Variants in SLC14A2 observed in about 807,000 individuals in gnomAD.
The protein encoded by SLC14A2 is solute carrier family 14 member 2.
In SLC14A2, 91 loss-of-function variants were observed where a neutral mutation model predicts 104.6. The observed-to-expected ratio is 0.87, with a 90% CI of 0.73 to 1.04. The LOEUF (loss-of-function observed/expected upper bound fraction) is 1.04. Among genes scored for constraint, SLC14A2 ranks in the 50% least tolerant of loss-of-function variants. The pLI, the probability that SLC14A2 is intolerant of heterozygous loss-of-function variation, is 0.00. For synonymous variants in SLC14A2, 476 were observed against 466.4 expected, an observed-to-expected ratio of 1.02 and a Z score of -0.27; for missense variants, 1,189 against 1,156.0, an observed-to-expected ratio of 1.03 and a Z score of -0.41.
chr18:45,237,901 G>A (rs923751705), intron 1 of SLC14A2, among the ~76,000 whole-genome samples: 1 of 152,208 alleles, frequency 6.6e-6, no homozygotes, highest in African/African-American at 2.4e-5. Context: ...TGGTAGTTTA[G>A]TTCTTTTCCC....
intron 1 of SLC14A2, among the ~76,000 whole-genome samples, chr18:45,480,791 C>T (rs75798351): frequency 0.019 from 2,899 of 152,304 alleles, 92 homozygotes; most frequent in African/African-American, 0.066. Flanking sequence ...TCCAGAGAAA[C>T]ATTTGTCCCA....
chr18:45,435,002 T>C (rs1334069604), intron 1 of SLC14A2, among the ~76,000 whole-genome samples: 2 of 152,224 alleles, frequency 1.3e-5, no homozygotes, highest in Non-Finnish European at 2.9e-5. Context: ...AATATGGTAA[T>C]GTAATTATGC....
chr18:45,188,611 C>T, the SLC14A2 span, among the ~76,000 whole-genome samples: 1 of 152,106 alleles, frequency 6.6e-6, no homozygotes, highest in African/African-American at 2.4e-5. Context: ...GTTTCAACTC[C>T]CTGCCTGAAT....
chr18:45,448,268 A>C (rs544430999), intron 1 of SLC14A2, among the ~76,000 whole-genome samples: 1 of 152,390 alleles, frequency 6.6e-6, no homozygotes, highest in East Asian at 1.9e-4. Flanking sequence ...TAAACAGCTA[A>C]TCCAACATTG....
At chr18:45,302,679 G>T (rs2084979972) in intron 1 of SLC14A2, among the ~76,000 whole-genome samples, 1 of 152,130 alleles carries the variant, frequency 6.6e-6, no homozygotes, top group Admixed American at 6.5e-5. Context: ...ATTATTGAAA[G>T]AAAAATAATA....
intron 1 of SLC14A2, among the ~76,000 whole-genome samples, chr18:45,441,846 G>A (rs1231562348): frequency 5.3e-5 from 8 of 152,176 alleles, no homozygotes; most frequent in Non-Finnish European, 8.8e-5. Flanking sequence ...GAAATGAAAC[G>A]AGAAGATTGA....
intron 1 of SLC14A2, among the ~76,000 whole-genome samples, chr18:45,302,229 G>C (rs971143000): frequency 3.3e-5 from 5 of 152,222 alleles, no homozygotes; most frequent in African/African-American, 9.7e-5. Flanking sequence ...AAAATGGCTT[G>C]AGGTTGGATC....
At chr18:45,649,669 T>C (rs764248063) in intron 10 of SLC14A2, among the ~76,000 whole-genome samples, 9 of 152,262 alleles carry the variant, frequency 5.9e-5, no homozygotes, top group Non-Finnish European at 1.0e-4. Flanking sequence ...TCTTTGACCC[T>C]TTGCATGTCC....
At chr18:45,444,681 C>G (rs887693303) in intron 1 of SLC14A2, among the ~76,000 whole-genome samples, 26 of 152,202 alleles carry the variant, frequency 1.7e-4, no homozygotes, top group African/African-American at 5.8e-4. Flanking sequence ...GGTGAGCCAG[C>G]TTTCTCTATT....
chr18:45,676,643 G>T (rs994554394), intron 18 of SLC14A2, among the ~76,000 whole-genome samples: 3 of 149,632 alleles, frequency 2.0e-5, no homozygotes, highest in Non-Finnish European at 4.4e-5. Flanking sequence ...CAGAGACGCT[G>T]TTAAACACCC....
intron 2 of SLC14A2, chr18:45,493,200 CTT>C (rs1568239219): frequency 6.6e-6 from 1 of 152,220 alleles, no homozygotes; most frequent in Non-Finnish European, 1.5e-5. Context: ...AGAATCAAAA[CTT>C]TTGTTGAAGA....
chr18:45,277,031 G>A (rs527682136), intron 1 of SLC14A2, among the ~76,000 whole-genome samples: 27 of 152,230 alleles, frequency 1.8e-4, no homozygotes, highest in East Asian at 5.8e-4. Flanking sequence ...AGAATAATAC[G>A]AATGTACCAT....
chr18:45,394,206 A>G (rs956488885), intron 1 of SLC14A2, among the ~76,000 whole-genome samples: 2 of 152,152 alleles, frequency 1.3e-5, no homozygotes. Flanking sequence ...CCTCACCTCT[A>G]TGTTTTTCTC....
At chr18:45,260,920 G>A (rs977448533) in intron 1 of SLC14A2, among the ~76,000 whole-genome samples, 1 of 152,058 alleles carries the variant, frequency 6.6e-6, no homozygotes, top group African/African-American at 2.4e-5. Flanking sequence ...AGGACCATCC[G>A]TACCCCAAAC....
rs955873385 is a variant in SLC14A2, at chr18:45,683,011, G to A, written c.*492G>A. 4.9e-5 allele frequency: 8 copies of A among 164,896 alleles called. No homozygotes were observed. The highest frequency in any genetic ancestry group is 1.5e-4 in the South Asian group (1 of 6,676). The allele number at this position is 164,896 out of a possible 1,614,324, so 10.2% of individuals were successfully genotyped here. ...TGGGAGGCTGAGGCAGGAGAATGGC[G>A]TGAACCCGGGAGGTGGAGCTTGCAG... is the stretch of plus-strand genomic sequence containing the variant. On this transcript the variant is annotated 3_prime_UTR_variant, in exon 20 of 20. Transcript: ENST00000255226.
intron 2 of SLC14A2, among the ~76,000 whole-genome samples, chr18:45,583,313 C>T (rs778953725): frequency 1.3e-5 from 2 of 152,188 alleles, no homozygotes; most frequent in African/African-American, 2.4e-5. Flanking sequence ...AAAGATCCAG[C>T]TCAAACAGCC....
intron 2 of SLC14A2, among the ~76,000 whole-genome samples, chr18:45,568,132 A>C (rs1175623765): frequency 6.6e-6 from 1 of 152,202 alleles, no homozygotes; most frequent in Non-Finnish European, 1.5e-5. Context: ...GGCAGCATCG[A>C]GGTCCCAGTC....
rs138629722 is a variant in SLC14A2 at position 45,674,695 on chromosome 18, C to T, written c.2512+878C>T. 8.1e-3 allele frequency among the ~76,000 whole-genome samples: 1,227 copies of T among 152,028 alleles called. 8 individuals are homozygous for T. Among genetic ancestry groups the T allele is most frequent in the Middle Eastern group, 0.01 (3 of 290 alleles). Reference sequence around the variant, plus strand: ...CACCACAAAGTAGGCACTTTAAATACGTCATCTCTACCTTAACACTAATTC... The same window carrying T: ...CACCACAAAGTAGGCACTTTAAATATGTCATCTCTACCTTAACACTAATTC... On this transcript the variant is annotated intron_variant, in intron 18 of 19. Coordinates refer to ENST00000255226, the MANE Select transcript of SLC14A2 (RefSeq NM_007163.4).
intron 1 of SLC14A2, among the ~76,000 whole-genome samples, chr18:45,420,397 T>A (rs1320089499): frequency 6.6e-6 from 1 of 152,236 alleles, no homozygotes; most frequent in Middle Eastern, 3.4e-3. Flanking sequence ...TTATACAAGG[T>A]GTGAACTCCA....
Sources: allele counts gnomAD v4.1 joint callset (sites outside exome capture counted in the v4.1 genomes callset), GRCh38; gene constraint gnomAD v4.1.1; transcripts MANE v1.5; gene names NCBI Gene and HGNC (gene_info 2026-07-23, HGNC 2026-07-21).